RASAL2: variants seen among roughly 807,000 people sequenced by gnomAD.
The protein encoded by RASAL2 is RAS protein activator like 2, also known as ras GTPase-activating protein nGAP.
A neutral mutation model predicts 128.9 loss-of-function variants in RASAL2; 58 were observed. The observed-to-expected ratio is 0.45, with a 90% CI of 0.36 to 0.56. The LOEUF (loss-of-function observed/expected upper bound fraction) is 0.56. RASAL2 is among the 20% of genes least tolerant of loss of function. The pLI is 0.00. For synonymous variants in RASAL2, 561 were observed against 580.8 expected (o/e 0.97, Z 0.49); for missense variants, 1,360 against 1,601.6 (o/e 0.85, Z 2.57).
intron 1 of RASAL2, among the ~76,000 whole-genome samples, chr1:178,148,745 C>G (rs1660814180): frequency 6.6e-6 from 1 of 152,112 alleles, no homozygotes; most frequent in Non-Finnish European, 1.5e-5. Flanking sequence ...CACCCAACCC[C>G]TTTACCATTA....
At chr1:178,191,139 A>G (rs1413559521) in intron 1 of RASAL2, among the ~76,000 whole-genome samples, 3 of 152,202 alleles carry the variant, frequency 2.0e-5, no homozygotes, top group African/African-American at 4.8e-5. Flanking sequence ...CATCCAAATG[A>G]TAGAAGGTTC....
At chr1:178,327,883 A>G (rs1040283782) in intron 3 of RASAL2, among the ~76,000 whole-genome samples, 2 of 152,174 alleles carry the variant, frequency 1.3e-5, no homozygotes, top group Non-Finnish European at 1.5e-5. Context: ...AGACATAGAC[A>G]TGGAGGAGAA....
intron 1 of RASAL2, among the ~76,000 whole-genome samples, chr1:178,251,447 C>T (rs1665053418): frequency 2.0e-5 from 3 of 152,146 alleles, no homozygotes; most frequent in Admixed American, 6.5e-5. Flanking sequence ...TACTTGCTGC[C>T]ACAGTATACT....
At chr1:178,187,816 A>G (rs1343768312) in intron 1 of RASAL2, among the ~76,000 whole-genome samples, 2 of 152,130 alleles carry the variant, frequency 1.3e-5, no homozygotes, top group Non-Finnish European at 2.9e-5. Flanking sequence ...AAGTACAGTC[A>G]TAGCTTCACT....
At chr1:178,455,308 C>T (rs965545711) in intron 12 of RASAL2, among the ~76,000 whole-genome samples, 3 of 152,058 alleles carry the variant, frequency 2.0e-5, no homozygotes, top group African/African-American at 7.2e-5. Flanking sequence ...GTCTAAAAGA[C>T]GTTGGCTAGG....
chr1:178,210,607 A>G (rs182765526), intron 1 of RASAL2, among the ~76,000 whole-genome samples: 141 of 152,338 alleles, frequency 9.3e-4, no homozygotes, highest in African/African-American at 3.3e-3. Flanking sequence ...AGTTTGCTTC[A>G]GACTGATAAC....
chr1:178,183,925 A>G (rs775826186), intron 1 of RASAL2, among the ~76,000 whole-genome samples: 1 of 152,234 alleles, frequency 6.6e-6, no homozygotes, highest in Non-Finnish European at 1.5e-5. Flanking sequence ...CTTACCAGCA[A>G]TGAATGAGAG....
At position 178,094,557 on chromosome 1, in the gene RASAL2, C is replaced by T. The variant is rs758420466; in HGVS notation, c.65C>T (p.Ala22Val). The T allele has an allele frequency of 1.9e-6, 3 of 1,593,692 alleles. No individual in the cohort carries two copies. Among genetic ancestry groups the T allele is most frequent in the African/African-American group, 1.3e-5 (1 of 74,528 alleles). Reference protein sequence around the residue: ...EALSWPEMFPALESDSPLPPE... With the variant: ...EALSWPEMFPVLESDSPLPPE... Reference sequence around the variant, plus strand: ...CTGTCCTGGCCGGAGATGTTCCCGGCGCTGGAGTCCGACTCGCCGCTGCCC... The same window carrying T: ...CTGTCCTGGCCGGAGATGTTCCCGGTGCTGGAGTCCGACTCGCCGCTGCCC... The change falls in exon 1 of 18, where the codon GCG becomes GTG. Residue 22 changes from alanine to valine, a missense_variant. By Grantham distance (64) the Ala-to-Val change is moderately conservative. This residue lies in a region of RASAL2 where 617 missense variants were observed against 714.2 expected (regional missense o/e 0.86). Coordinates refer to ENST00000367649, the MANE Select transcript of RASAL2 (RefSeq NM_170692.4).
At chr1:178,204,673 G>C (rs1283943098) in intron 1 of RASAL2, among the ~76,000 whole-genome samples, 1 of 152,166 alleles carries the variant, frequency 6.6e-6, no homozygotes, top group African/African-American at 2.4e-5. Context: ...GAAACACCCT[G>C]ACTTTAAGAT....
chr1:178,238,155 C>G (rs913473089), intron 1 of RASAL2, among the ~76,000 whole-genome samples: 3 of 152,104 alleles, frequency 2.0e-5, no homozygotes, highest in African/African-American at 7.2e-5. Flanking sequence ...CTTATAGATG[C>G]TATATAAATG....
intron 3 of RASAL2, among the ~76,000 whole-genome samples, chr1:178,340,495 A>G (rs931482433): frequency 6.6e-6 from 1 of 152,216 alleles, no homozygotes; most frequent in African/African-American, 2.4e-5. Context: ...AAAACAAACT[A>G]AAATGATGAT....
chr1:178,305,430 G>A (rs370702897), intron 3 of RASAL2, among the ~76,000 whole-genome samples: 6 of 151,996 alleles, frequency 3.9e-5, no homozygotes, highest in South Asian at 2.1e-4. Context: ...AAAATAGCAC[G>A]GCACAGGCAG....
At chr1:178,451,742 C>T (rs1258522321) in intron 10 of RASAL2, 27 bp downstream of exon 10, 5 of 1,601,144 alleles carry the variant, frequency 3.1e-6, no homozygotes, top group South Asian at 2.3e-5. Flanking sequence ...CTCTGCCTTA[C>T]ATTTTTTCAT....
Position 178,249,889 on chromosome 1 carries a change from G to A in RASAL2, c.203-33675G>A, listed in dbSNP as rs182991556. Among the ~76,000 whole-genome samples the A allele has an allele frequency of 1.3e-3, 195 of 152,284 alleles. 2 individuals carry two copies. The highest frequency in any genetic ancestry group is 3.9e-3 in the African/African-American group (163 of 41,556). ...GACCGTTTGCCTGGTTATCACCAGC[G>A]GAAGCTGCAGAACAGCAAAATTGCT... On this transcript the variant is annotated intron_variant, in intron 1 of 17. Coordinates refer to ENST00000367649, the MANE Select transcript of RASAL2 (RefSeq NM_170692.4).
At chr1:178,374,451 G>A (rs368356515) in intron 3 of RASAL2, among the ~76,000 whole-genome samples, 3 of 152,120 alleles carry the variant, frequency 2.0e-5, no homozygotes, top group African/African-American at 7.2e-5. Context: ...TCCAGAAGGG[G>A]GGATGCAAGA....
At chr1:178,372,312 G>T (rs1165546821) in intron 3 of RASAL2, 2 of 985,298 alleles carry the variant, frequency 2.0e-6, no homozygotes, top group African/African-American at 3.5e-5. Context: ...AGAGCCTTCT[G>T]TCATTTCTGG....
chr1:178,414,790 A>G (rs939820131), intron 4 of RASAL2, among the ~76,000 whole-genome samples: 4 of 152,174 alleles, frequency 2.6e-5, no homozygotes, highest in African/African-American at 4.8e-5. Context: ...TTTAATAGAT[A>G]TAGCCCTATT....
At chr1:178,165,326 A>G (rs920526023) in intron 1 of RASAL2, among the ~76,000 whole-genome samples, 1 of 152,172 alleles carries the variant, frequency 6.6e-6, no homozygotes, top group Non-Finnish European at 1.5e-5. Context: ...TCAGGAAAAA[A>G]GTTGTATCTG....
At chr1:178,232,425 T>G (rs1664048452) in intron 1 of RASAL2, among the ~76,000 whole-genome samples, 1 of 152,230 alleles carries the variant, frequency 6.6e-6, no homozygotes, top group Non-Finnish European at 1.5e-5. Flanking sequence ...TATAGCAAAC[T>G]TTCTTCTTCC....
Sources: gnomAD v4.1 joint callset for allele counts (sites outside exome capture counted in the v4.1 genomes callset) on GRCh38, gnomAD v4.1.1 for gene constraint, gnomAD v4.1.1 regional missense constraint, MANE v1.5 for transcripts, NCBI Gene and HGNC (gene_info 2026-07-23, HGNC 2026-07-21) for gene names.